Variants in PLA2R1 observed in about 807,000 individuals in gnomAD.
The protein encoded by PLA2R1 is secretory phospholipase A2 receptor.
In PLA2R1, 158 loss-of-function variants were observed where a neutral mutation model predicts 195.9. The ratio of observed to expected loss-of-function variants is 0.81; its 90% CI spans 0.71 to 0.92. The LOEUF is 0.92. Ranked by LOEUF, PLA2R1 falls within the 40% of genes least tolerant of loss-of-function variation. The probability of loss-of-function intolerance (pLI) is 0.00; values close to 1 mark genes in which losing one functional copy is unlikely to be tolerated. For missense variants in PLA2R1, 1,626 were observed against 1,764.6 expected (o/e 0.92, Z 1.41); for synonymous variants, 586 against 598.2 (o/e 0.98, Z 0.30).
chr2:159,931,191 C>T (rs979094226), downstream of PLA2R1, among the ~76,000 whole-genome samples: 4 of 152,138 alleles, frequency 2.6e-5, no homozygotes, highest in African/African-American at 4.8e-5. Context: ...TTCCGAAATC[C>T]GTTAATGCCA....
intron 28 of PLA2R1, among the ~76,000 whole-genome samples, chr2:159,944,140 C>G (rs1007882838): frequency 1.3e-5 from 2 of 152,168 alleles, no homozygotes; most frequent in African/African-American, 2.4e-5. Context: ...CCCATCACCC[C>G]CTGACGTGAG....
Position 159,946,894 on chromosome 2 carries a change from C to G in PLA2R1, c.3874G>C (p.Asp1292His). 1 of 1,608,792 alleles carries G rather than the reference C, an allele frequency of 6.2e-7. No individual in the cohort carries two copies. The highest frequency in any genetic ancestry group is 2.2e-5 in the East Asian group (1 of 44,712). Residue 1292 changes from aspartate to histidine, a missense_variant, in exon 27 of 30, where the codon GAT (aspartate) becomes CAT (histidine). Physicochemically the swap from Asp to His is moderately conservative, Grantham distance 81 (BLOSUM62 -1). Coordinates refer to ENST00000283243, the MANE Select transcript of PLA2R1 (RefSeq NM_007366.5). ...AGGAGAAATGCATTTTCAGCCTCATCCTTGATTGTTAAAAGATTAGAACCT... is the reference window on the plus strand; with the variant it reads ...AGGAGAAATGCATTTTCAGCCTCATGCTTGATTGTTAAAAGATTAGAACCT... The part of the protein sequence containing the change: ...KEGSNLLTIK[D>H]EAENAFLLEE...
intron 17 of PLA2R1, among the ~76,000 whole-genome samples, chr2:159,975,582 C>A (rs757592455): frequency 5.3e-5 from 8 of 152,078 alleles, no homozygotes; most frequent in Non-Finnish European, 8.8e-5. Context: ...CCAGGTATTC[C>A]TCATCCCTCA....
intron 1 of PLA2R1, among the ~76,000 whole-genome samples, chr2:160,061,753 C>T (rs1181710999): frequency 6.6e-6 from 1 of 152,040 alleles, no homozygotes; most frequent in East Asian, 1.9e-4. Flanking sequence ...ACAGCCTGGG[C>T]GACAGAGCAA....
At chr2:160,046,887 G>A (rs1349840641) in intron 1 of PLA2R1, among the ~76,000 whole-genome samples, 1 of 152,102 alleles carries the variant, frequency 6.6e-6, no homozygotes, top group African/African-American at 2.4e-5. Flanking sequence ...TTAACCTTCT[G>A]TCCAACTCTC....
At position 159,955,271 on chromosome 2, in the gene PLA2R1, G is replaced by T; in HGVS notation, c.3229C>A (p.His1077Asn). Residue 1077 changes from histidine (H) to asparagine (N), a missense_variant, in exon 23 of 30, where the codon CAT (histidine) becomes AAT (asparagine). Physicochemically the swap from His to Asn is moderately conservative, Grantham distance 68. Transcript: ENST00000283243. ...TCAAAATACCATTTTCCAGTGAAAT[G>T]AAAATTAGGATTACTTGAGAGTAAG... Reference protein sequence around the residue: ...CALLSSNPNFHFTGKWYFEDC... With the variant: ...CALLSSNPNFNFTGKWYFEDC... 1 of 1,608,248 alleles carries T rather than the reference G, an allele frequency of 6.2e-7. No homozygotes were observed. Among genetic ancestry groups the T allele is most frequent in the African/African-American group, 1.3e-5 (1 of 74,910 alleles).
At chr2:159,993,560 T>C (rs551891683) in intron 11 of PLA2R1, among the ~76,000 whole-genome samples, 1 of 151,858 alleles carries the variant, frequency 6.6e-6, no homozygotes, top group Non-Finnish European at 1.5e-5. Context: ...ACTGTGATGC[T>C]GAAATAATAT....
rs775745800 is a variant in PLA2R1, at chr2:160,005,651, C to A, written c.1834+1G>T. On this transcript the variant is annotated splice_donor_variant, in intron 11 of 29. Transcript: ENST00000283243. LOFTEE classifies it high-confidence loss of function. ...TTGGTGATGCAGCACACTCTACTCA[C>A]GCGGCTGGTGTGTGTTCCAGTGTGT... The A allele has an allele frequency of 1.2e-6, 2 of 1,612,440 alleles. No homozygotes were observed. The highest frequency in any genetic ancestry group is 2.2e-5 in the South Asian group (2 of 90,822).
At chr2:159,989,341 T>C (rs914930409) in intron 11 of PLA2R1, among the ~76,000 whole-genome samples, 2 of 152,222 alleles carry the variant, frequency 1.3e-5, no homozygotes, top group Non-Finnish European at 2.9e-5. Flanking sequence ...GCAATAAAAC[T>C]GAACTGGAGA....
chr2:159,995,581 AT>A (rs1691156687), intron 11 of PLA2R1, among the ~76,000 whole-genome samples: 1 of 152,066 alleles, frequency 6.6e-6, no homozygotes, highest in Non-Finnish European at 1.5e-5. Context: ...TTTTAATAAT[AT>A]TCATAGATTT....
At chr2:160,043,347 T>C (rs1374649364) in intron 2 of PLA2R1, among the ~76,000 whole-genome samples, 1 of 152,122 alleles carries the variant, frequency 6.6e-6, no homozygotes, top group East Asian at 1.9e-4. Flanking sequence ...AAGTCGACCA[T>C]GCAGACGTGG....
Position 159,955,329 on chromosome 2 carries a change from G to A in PLA2R1, c.3171C>T (p.Thr1057=). 6.3e-7 allele frequency: 1 copy of A among 1,596,540 alleles called. No homozygotes were observed. Among genetic ancestry groups the A allele is most frequent in the Non-Finnish European group, 8.6e-7 (1 of 1,166,650 alleles). ...GAGGAATGTGTTTCTGAACTTCAGT[G>A]GTATTGTGACTTGGAATCTTTAAAA... The part of the protein sequence containing the change: ...FDIINIPSHN[T]TEVQKHIPLC... The change falls in exon 23 of 30, where the codon ACC becomes ACT. Residue 1057 remains threonine, a synonymous_variant. Coordinates refer to ENST00000283243, the MANE Select transcript of PLA2R1 (RefSeq NM_007366.5).
chr2:159,990,922 C>A (rs1690735624), intron 11 of PLA2R1, among the ~76,000 whole-genome samples: 1 of 151,260 alleles, frequency 6.6e-6, no homozygotes, highest in South Asian at 2.1e-4. Flanking sequence ...GGTCTTTTCC[C>A]TATTTAACTT....
intron 16 of PLA2R1, 126 bp from the exon 17 acceptor site, chr2:159,976,351 C>CAT: frequency 1.6e-6 from 1 of 642,206 alleles, no homozygotes; most frequent in Non-Finnish European, 2.7e-6. Context: ...AATTTGAACA[C>CAT]ACACACACAG....
intron 13 of PLA2R1, among the ~76,000 whole-genome samples, chr2:159,980,742 A>T (rs1378990445): frequency 6.6e-6 from 1 of 152,232 alleles, no homozygotes; most frequent in Admixed American, 6.5e-5. Flanking sequence ...GCAATGAACC[A>T]TCTCACTAAG....
intron 19 of PLA2R1, 127 bp downstream of exon 19, chr2:159,969,129 T>C (rs547922452): frequency 1.3e-4 from 74 of 587,082 alleles, no homozygotes; most frequent in Middle Eastern, 4.4e-4. Context: ...CAGACAAAAC[T>C]GAACACGTCA....
chr2:160,043,193 G>T (rs537910520), intron 2 of PLA2R1, among the ~76,000 whole-genome samples: 60 of 152,220 alleles, frequency 3.9e-4, no homozygotes, highest in Non-Finnish European at 6.6e-4. Context: ...CAAGTCTCTT[G>T]CGGGTTTTGA....
intron 10 of PLA2R1, among the ~76,000 whole-genome samples, chr2:160,010,967 C>T (rs78050960): frequency 7.7e-4 from 117 of 152,286 alleles, no homozygotes; most frequent in African/African-American, 2.2e-3. Context: ...GGCAGCACAC[C>T]AGCACAGGGC....
chr2:160,022,897 A>G, intron 6 of PLA2R1, 38 bp from the exon 7 acceptor site: 1 of 1,417,818 alleles, frequency 7.1e-7, no homozygotes. Context: ...ATTTTCCACA[A>G]TTATTTTAAC....
Sources: allele counts gnomAD v4.1 joint callset (sites outside exome capture counted in the v4.1 genomes callset), GRCh38; gene constraint gnomAD v4.1.1; transcripts MANE v1.5; gene names NCBI Gene and HGNC (gene_info 2026-07-23, HGNC 2026-07-21).